The following FAM135B variants were observed in gnomAD, a reference collection of about 807,000 sequenced individuals.
FAM135B encodes the protein protein FAM135B.
Under a neutral mutation model 127.7 loss-of-function variants are expected in FAM135B, and 43 were observed. That is an observed-to-expected ratio of 0.34 (90% CI 0.26 to 0.43). FAM135B has a LOEUF of 0.43. Among genes scored for constraint, FAM135B ranks in the 20% least tolerant of loss-of-function variants. FAM135B has a pLI of 1.00. For missense variants in FAM135B, 1,558 were observed against 1,725.6 expected (o/e 0.90, Z 1.72); for synonymous variants, 670 against 665.1 (o/e 1.01, Z -0.11).
At chr8:138,180,314 T>C (rs2130996059) in intron 9 of FAM135B, among the ~76,000 whole-genome samples, 1 of 152,286 alleles carries the variant, frequency 6.6e-6, no homozygotes, top group South Asian at 2.1e-4. Flanking sequence ...CGTAGGGAGC[T>C]TTGTTCAATG....
At chr8:138,327,799 A>T (rs1315984390) in intron 2 of FAM135B, among the ~76,000 whole-genome samples, 1 of 152,212 alleles carries the variant, frequency 6.6e-6, no homozygotes, top group Non-Finnish European at 1.5e-5. Context: ...CCAAGGGGGT[A>T]AGAAAAAGAG....
At chr8:138,155,203 T>C (rs1818603300) in intron 12 of FAM135B, among the ~76,000 whole-genome samples, 1 of 152,210 alleles carries the variant, frequency 6.6e-6, no homozygotes, top group Non-Finnish European at 1.5e-5. Context: ...GTAAGCTTCA[T>C]AAGTGAAGGA....
intron 1 of FAM135B, among the ~76,000 whole-genome samples, chr8:138,446,385 C>G (rs367862885): frequency 2.0e-5 from 3 of 151,896 alleles, no homozygotes; most frequent in Admixed American, 2.0e-4. Context: ...GGAGGCATCA[C>G]GCTACCTGAC....
chr8:138,412,385 G>A (rs1326464300), intron 1 of FAM135B, among the ~76,000 whole-genome samples: 2 of 152,126 alleles, frequency 1.3e-5, no homozygotes, highest in Admixed American at 1.3e-4. Flanking sequence ...CAAAATAAAC[G>A]TTTTTGTTTC....
intron 3 of FAM135B, among the ~76,000 whole-genome samples, chr8:138,274,262 A>G (rs1445720595): frequency 6.6e-6 from 1 of 152,166 alleles, no homozygotes; most frequent in African/African-American, 2.4e-5. Flanking sequence ...AGTACAAAAG[A>G]GAGAAATTTT....
intron 1 of FAM135B, among the ~76,000 whole-genome samples, chr8:138,384,012 G>C (rs537953943): frequency 2.0e-5 from 3 of 152,230 alleles, no homozygotes; most frequent in Non-Finnish European, 4.4e-5. Flanking sequence ...CCCTGTTTTG[G>C]AATGTCCATC....
chr8:138,360,199 T>G lies in FAM135B; in HGVS notation c.77+7708A>C, dbSNP rs189566220. 1.7e-3 allele frequency among the ~76,000 whole-genome samples: 261 copies of G among 152,302 alleles called. 2 individuals are homozygous for G. The highest frequency in any genetic ancestry group is 6.1e-3 in the African/African-American group (252 of 41,578). On this transcript the variant is annotated intron_variant, in intron 2 of 19. Coordinates refer to ENST00000395297, the MANE Select transcript of FAM135B (RefSeq NM_015912.4). ...GTCTGAATTAATATTTAAAACCAAA[T>G]TTGAATTCATTGTCAAGGACAAATG... is the stretch of plus-strand genomic sequence containing the variant.
In FAM135B at chr8:138,225,454, AC is replaced by A. The variant is rs1250521571; in HGVS notation, c.669+17487del. ...AATGTCTGCTATTTAAGCCAAAAAA[AC>A]AAAAAAAAAACAAAAAAACAAAAAA... On this transcript the variant is annotated intron_variant, in intron 7 of 19. Coordinates refer to ENST00000395297, the MANE Select transcript of FAM135B (RefSeq NM_015912.4). Among the ~76,000 whole-genome samples the A allele has an allele frequency of 2.4e-3, 305 of 128,570 alleles. 3 individuals carry two copies. The highest frequency in any genetic ancestry group is 8.7e-3 in the African/African-American group (290 of 33,392). The allele number at this position is 128,570 out of a possible 152,430, so 84.3% of individuals were successfully genotyped here. A position where few individuals can be genotyped will look rare whatever the true frequency, so the allele number is the denominator to read the frequency against.
chr8:138,467,721 T>C (rs1396190807), intron 1 of FAM135B, among the ~76,000 whole-genome samples: 2 of 152,218 alleles, frequency 1.3e-5, no homozygotes, highest in Non-Finnish European at 2.9e-5. Flanking sequence ...TTTGGAGGAC[T>C]GTTGTAGATT....
intron 7 of FAM135B, among the ~76,000 whole-genome samples, chr8:138,222,676 G>GTTTTTTTTTTTT (rs1783140288): frequency 8.6e-6 from 1 of 115,652 alleles, no homozygotes; most frequent in African/African-American, 3.6e-5. Context: ...TTTGTTGGTG[G>GTTTTTTTTTTTT]TGTTTTTTTT....
At position 138,132,464 on chromosome 8, in the gene FAM135B, C is replaced by T; in HGVS notation, c.*129G>A. The T allele has an allele frequency of 2.7e-6, 2 of 739,306 alleles. No homozygotes were observed. The highest frequency in any genetic ancestry group is 4.6e-6 in the Non-Finnish European group (2 of 435,302). 45.8% of individuals were successfully genotyped at this position (739,306 alleles called of 1,614,324 possible). ...ACAAAAGCACCTCTCATGTCAGGTT[C>T]CACCCGAGCCTCCGTCCCCCAATGC... On this transcript the variant is annotated 3_prime_UTR_variant, in exon 20 of 20. Transcript: ENST00000395297. This position sits in a 1 kb window ranked among gnomAD's most constrained non-coding sequence, Gnocchi z 4.5.
intron 1 of FAM135B, among the ~76,000 whole-genome samples, chr8:138,423,133 G>T (rs556525904): frequency 1.3e-5 from 2 of 152,224 alleles, no homozygotes; most frequent in Admixed American, 1.3e-4. Flanking sequence ...AGAGTGGGAG[G>T]GGGGTGAGGA....
In FAM135B at chr8:138,241,285, C is replaced by G. The variant is rs769151328; in HGVS notation, c.669+1657G>C. ...GGCCCTGCGTCAGTGCTAAGGACGT[C>G]AGGTTCTGAGAAGCTCAGTGGTTGA... On this transcript the variant is annotated intron_variant, in intron 7 of 19. Coordinates refer to ENST00000395297, the MANE Select transcript of FAM135B (RefSeq NM_015912.4). The surrounding 1 kb of genome is among the most constrained non-coding windows in gnomAD (Gnocchi z 4.8). Among the ~76,000 whole-genome samples the G allele has an allele frequency of 6.6e-6, 1 of 152,176 alleles. No homozygotes were observed. Among genetic ancestry groups the G allele is most frequent in the Non-Finnish European group, 1.5e-5 (1 of 68,034 alleles).
intron 1 of FAM135B, among the ~76,000 whole-genome samples, chr8:138,410,872 G>A (rs1184111091): frequency 1.3e-5 from 2 of 152,050 alleles, no homozygotes; most frequent in Non-Finnish European, 2.9e-5. Flanking sequence ...CAAATCATGA[G>A]TGAACTCCCA....
chr8:138,352,228 G>C (rs908216155), intron 2 of FAM135B, among the ~76,000 whole-genome samples: 1 of 152,076 alleles, frequency 6.6e-6, no homozygotes, highest in Non-Finnish European at 1.5e-5. Flanking sequence ...TTTTTACTGG[G>C]ATGCATTTTA....
intron 12 of FAM135B, among the ~76,000 whole-genome samples, chr8:138,160,256 G>A (rs1475983855): frequency 6.6e-6 from 1 of 152,082 alleles, no homozygotes; most frequent in East Asian, 1.9e-4. Flanking sequence ...ACGCTTTCCT[G>A]AGTTCTGGGA....
chr8:138,332,749 T>C (rs922287248), intron 2 of FAM135B, among the ~76,000 whole-genome samples: 1 of 152,104 alleles, frequency 6.6e-6, no homozygotes, highest in East Asian at 1.9e-4. Flanking sequence ...TAAACCATTT[T>C]GACATGAGTC....
intron 9 of FAM135B, among the ~76,000 whole-genome samples, chr8:138,187,393 C>T (rs1407198509): frequency 6.6e-6 from 1 of 152,206 alleles, no homozygotes; most frequent in Non-Finnish European, 1.5e-5. Context: ...CTTTAAAAGT[C>T]TGAAAATGAA....
chr8:138,476,604 A>G (rs1017408011), intron 1 of FAM135B, among the ~76,000 whole-genome samples: 2 of 152,140 alleles, frequency 1.3e-5, no homozygotes, highest in Non-Finnish European at 2.9e-5. Flanking sequence ...TCATGAACCT[A>G]TTGAATCAAT....
Sources: gnomAD v4.1 joint callset for allele counts (sites outside exome capture counted in the v4.1 genomes callset) on GRCh38, gnomAD v4.1.1 for gene constraint, Gnocchi (gnomAD v3.1) non-coding constraint, MANE v1.5 for transcripts, NCBI Gene and HGNC (gene_info 2026-07-23, HGNC 2026-07-21) for gene names.